RBFOX1: variants seen among roughly 807,000 people sequenced by gnomAD.
RBFOX1 encodes RNA binding fox-1 homolog 1, also known as RNA binding protein fox-1 homolog 1.
A neutral mutation model predicts 57.7 loss-of-function variants in RBFOX1; 8 were observed. The observed-to-expected ratio is 0.14, with a 90% CI of 0.08 to 0.25. RBFOX1 has a LOEUF of 0.25. RBFOX1 is among the 10% of genes least tolerant of loss of function. RBFOX1 has a pLI of 1.00. For missense variants in RBFOX1, 611 were observed against 548.5 expected (o/e 1.11, Z -1.14); for synonymous variants, 326 against 222.4 (o/e 1.47, Z -4.15).
intron 2 of RBFOX1, among the ~76,000 whole-genome samples, chr16:6,451,449 G>A (rs763378945): frequency 6.6e-6 from 1 of 152,108 alleles, no homozygotes; most frequent in African/African-American, 2.4e-5. Context: ...GGAATATGGA[G>A]ATGCAAGGAG....
chr16:5,571,740 T>A (rs936435692), intron 2 of RBFOX1, among the ~76,000 whole-genome samples: 14 of 152,192 alleles, frequency 9.2e-5, no homozygotes, highest in African/African-American at 3.4e-4. Context: ...GCTATCTCTT[T>A]TACTCAATAA....
At chr16:7,462,806 A>C (rs1324499999) in intron 4 of RBFOX1, among the ~76,000 whole-genome samples, 1 of 152,186 alleles carries the variant, frequency 6.6e-6, no homozygotes, top group African/African-American at 2.4e-5. Context: ...GTCCAGCGAC[A>C]GCTACTCGAG....
intron 2 of RBFOX1, among the ~76,000 whole-genome samples, chr16:6,620,712 G>A (rs527919063): frequency 1.3e-5 from 2 of 152,090 alleles, no homozygotes; most frequent in Non-Finnish European, 2.9e-5. Context: ...ACCATCACAA[G>A]ATTATGAAAC....
At chr16:6,131,775 T>G (rs1041806692) in intron 1 of RBFOX1, among the ~76,000 whole-genome samples, 3 of 152,188 alleles carry the variant, frequency 2.0e-5, no homozygotes, top group Admixed American at 1.3e-4. Context: ...CTCATCATAG[T>G]TATGTAATCA....
At chr16:5,593,215 A>G (rs1270444422) in intron 2 of RBFOX1, among the ~76,000 whole-genome samples, 1 of 152,188 alleles carries the variant, frequency 6.6e-6, no homozygotes, top group African/African-American at 2.4e-5. Flanking sequence ...GCTAGAAACC[A>G]TCATTCTCAG....
intron 4 of RBFOX1, among the ~76,000 whole-genome samples, chr16:7,358,530 C>G (rs2097260564): frequency 1.3e-5 from 2 of 152,240 alleles, no homozygotes; most frequent in South Asian, 4.1e-4. Context: ...AAGCAATTCT[C>G]TTGCCTCAGC....
intron 4 of RBFOX1, among the ~76,000 whole-genome samples, chr16:7,497,177 T>C (rs1008986080): frequency 1.3e-5 from 2 of 152,176 alleles, no homozygotes; most frequent in African/African-American, 2.4e-5. Flanking sequence ...TACAAACTAC[T>C]TTATGTGTCA....
chr16:6,143,242 G>A (rs1413596516), intron 1 of RBFOX1, among the ~76,000 whole-genome samples: 1 of 152,180 alleles, frequency 6.6e-6, no homozygotes, highest in Non-Finnish European at 1.5e-5. Flanking sequence ...GGAATTGCAT[G>A]TTTCTATGGA....
chr16:7,201,444 A>T (rs1291808448), intron 4 of RBFOX1, among the ~76,000 whole-genome samples: 1 of 144,868 alleles, frequency 6.9e-6, no homozygotes, highest in Admixed American at 6.9e-5. Context: ...GAATGCCACG[A>T]TCTGATTCTT....
intron 14 of RBFOX1, among the ~76,000 whole-genome samples, chr16:7,697,017 T>G (rs892138931): frequency 1.3e-5 from 2 of 152,124 alleles, no homozygotes; most frequent in East Asian, 3.9e-4. Context: ...AAGTTAGGAC[T>G]TGGAGGCTGC....
intron 1 of RBFOX1, among the ~76,000 whole-genome samples, chr16:5,462,261 C>T (rs1480843764): frequency 3.3e-5 from 5 of 150,808 alleles, no homozygotes; most frequent in African/African-American, 7.3e-5. Flanking sequence ...CTCCGCCTCC[C>T]GGGTTCACGC....
At chr16:6,840,957 T>G (rs1430683107) in intron 3 of RBFOX1, among the ~76,000 whole-genome samples, 1 of 151,514 alleles carries the variant, frequency 6.6e-6, no homozygotes, top group Non-Finnish European at 1.5e-5. Flanking sequence ...AAGTTAGAGT[T>G]AAGGGTATCT....
intron 1 of RBFOX1, among the ~76,000 whole-genome samples, chr16:5,281,540 A>G (rs187031061): frequency 1.3e-5 from 2 of 152,220 alleles, no homozygotes; most frequent in Non-Finnish European, 2.9e-5. Flanking sequence ...GTGCTCAACT[A>G]TCATTATATT....
rs553275226 is a variant in RBFOX1 at position 6,307,931 on chromosome 16, A to G, written c.-126-9064A>G. Among the ~76,000 whole-genome samples the G allele has an allele frequency of 3.0e-4, 45 of 147,946 alleles. No homozygotes were observed. The East Asian group carries it at 9.2e-3, about 30-fold the overall frequency. ...TTACATATTTTTATAAATTATAATCATATATTCATTTAGGTTGTTATTTAC... is the reference window on the plus strand; with the variant it reads ...TTACATATTTTTATAAATTATAATCGTATATTCATTTAGGTTGTTATTTAC... On this transcript the variant is annotated intron_variant, in intron 1 of 15. Transcript: ENST00000550418.
intron 3 of RBFOX1, among the ~76,000 whole-genome samples, chr16:6,782,707 A>G (rs1470857450): frequency 2.0e-5 from 3 of 152,196 alleles, no homozygotes; most frequent in Non-Finnish European, 4.4e-5. Flanking sequence ...TTATTCAGCT[A>G]TCGAATGAAA....
chr16:5,383,478 G>A (rs773256345), intron 1 of RBFOX1, among the ~76,000 whole-genome samples: 1 of 152,190 alleles, frequency 6.6e-6, no homozygotes, highest in South Asian at 2.1e-4. Flanking sequence ...AGCACCAACT[G>A]CATGCATGCT....
intron 4 of RBFOX1, among the ~76,000 whole-genome samples, chr16:7,449,033 G>A (rs903421406): frequency 2.1e-5 from 3 of 142,622 alleles, no homozygotes; most frequent in South Asian, 2.2e-4. Flanking sequence ...GGGTTCAAAC[G>A]ATTTTTCTGC....
chr16:7,053,720 T>A (rs1190268295), intron 4 of RBFOX1, among the ~76,000 whole-genome samples: 1 of 152,162 alleles, frequency 6.6e-6, no homozygotes, highest in Non-Finnish European at 1.5e-5. Context: ...AGTCTTCCCC[T>A]CTCTGTTACA....
chr16:5,629,099 A>G (rs990264679), intron 3 of RBFOX1, among the ~76,000 whole-genome samples: 5 of 113,444 alleles, frequency 4.4e-5, no homozygotes, highest in Middle Eastern at 5.4e-3. Context: ...AAAAAAAGTG[A>G]TGCTGTAAAA....
Sources: gnomAD v4.1 joint callset for allele counts (sites outside exome capture counted in the v4.1 genomes callset) on GRCh38, gnomAD v4.1.1 for gene constraint, MANE v1.5 for transcripts, NCBI Gene and HGNC (gene_info 2026-07-23, HGNC 2026-07-21) for gene names.